The following SCUBE1 variants were observed in gnomAD, a reference collection of about 807,000 sequenced individuals.
SCUBE1 encodes the protein signal peptide, CUB domain and EGF like domain containing 1.
SCUBE1 carries 59 observed loss-of-function variants against 124.4 expected under a neutral mutation model. That is an observed-to-expected ratio of 0.47 (90% confidence interval 0.38 to 0.59). The LOEUF is 0.59. SCUBE1 is among the 20% of genes least tolerant of loss of function. The probability of loss-of-function intolerance (pLI) is 0.00; values close to 1 mark genes in which losing one functional copy is unlikely to be tolerated. For missense variants in SCUBE1, 1,150 were observed against 1,371.2 expected (o/e 0.84, Z 2.55); for synonymous variants, 545 against 550.9 (o/e 0.99, Z 0.15).
chr22:43,261,145 A>G (rs1051221274), intron 5 of SCUBE1, among the ~76,000 whole-genome samples: 1 of 152,228 alleles, frequency 6.6e-6, no homozygotes, highest in African/African-American at 2.4e-5. Context: ...AACTCAGATC[A>G]CACAACACGG....
At chr22:43,262,292 T>C (rs1451309918) in intron 5 of SCUBE1, among the ~76,000 whole-genome samples, 1 of 152,204 alleles carries the variant, frequency 6.6e-6, no homozygotes, top group Non-Finnish European at 1.5e-5. Flanking sequence ...TTCTGATCTT[T>C]GGTCCCGGAA....
chr22:43,343,089 C>A, intron 1 of SCUBE1, 85 bp downstream of exon 1: 1 of 623,462 alleles, frequency 1.6e-6, no homozygotes, highest in Non-Finnish European at 2.1e-6. Context: ...AGCTCGGGAT[C>A]CGCGGGGAAG....
chr22:43,204,067 T>C lies in SCUBE1; in HGVS notation c.2897A>G (p.Glu966Gly). The change falls in exon 22 of 22, where the codon GAG (glutamate) becomes GGG (glycine). Residue 966 changes from glutamate (E) to glycine (G), a missense_variant. By Grantham distance (98) the Glu-to-Gly change is moderately conservative. This residue lies in a region of SCUBE1 where 757 missense variants were observed against 840.9 expected (regional missense o/e 0.90). Transcript: ENST00000360835. Reference sequence around the variant, plus strand: ...TTTGATGAAGGACCGTGGGAACATCTCCTTGGATTCCTGGGCTGTGTACTT... The same window carrying C: ...TTTGATGAAGGACCGTGGGAACATCCCCTTGGATTCCTGGGCTGTGTACTT... ...YFKYTAQESK[E>G]MFPRSFIKLL... 5 of 1,614,066 alleles carry C rather than the reference T, an allele frequency of 3.1e-6. No individual in the cohort carries two copies. The highest frequency in any genetic ancestry group is 1.1e-5 in the South Asian group (1 of 91,072).
intron 5 of SCUBE1, among the ~76,000 whole-genome samples, chr22:43,261,062 T>C (rs906045698): frequency 4.6e-5 from 7 of 152,280 alleles, no homozygotes; most frequent in African/African-American, 1.7e-4. Context: ...GAGAATGCAC[T>C]GTCCTTCTGG....
At chr22:43,292,556 A>ACACAC (rs1925402162) in intron 3 of SCUBE1, among the ~76,000 whole-genome samples, 9 of 139,600 alleles carry the variant, frequency 6.4e-5, no homozygotes, top group Non-Finnish European at 9.2e-5. Context: ...CCCGGTCCCT[A>ACACAC]ACACACACAC....
At chr22:43,212,798 T>C (rs548137579) in intron 16 of SCUBE1, 1 of 585,300 alleles carries the variant, frequency 1.7e-6, no homozygotes, top group Non-Finnish European at 3.0e-6. Flanking sequence ...CAGCGGTTCA[T>C]GTGCGGCCTT....
At chr22:43,221,588 G>A (rs983113937) in intron 12 of SCUBE1, among the ~76,000 whole-genome samples, 1 of 152,172 alleles carries the variant, frequency 6.6e-6, no homozygotes, top group African/African-American at 2.4e-5. Context: ...CCATCAGCAA[G>A]CCATGATTGT....
chr22:43,219,617 G>GC (rs1421724732), intron 14 of SCUBE1, among the ~76,000 whole-genome samples: 1 of 152,012 alleles, frequency 6.6e-6, no homozygotes, highest in Non-Finnish European at 1.5e-5. Flanking sequence ...GGGATTACAG[G>GC]TGCCTGCCAC....
chr22:43,203,244 C>T lies in SCUBE1; in HGVS notation c.*753G>A, dbSNP rs1011105667. The T allele has an allele frequency of 1.7e-4, 26 of 152,078 alleles. No individual in the cohort carries two copies. Among genetic ancestry groups the T allele is most frequent in the African/African-American group, 6.0e-4 (25 of 41,372 alleles). The allele number at this position is 152,078 out of a possible 1,614,324, so 9.4% of individuals were successfully genotyped here. Reference sequence around the variant, plus strand: ...CAAATGCTGGGAGGAGCTGTTTAATCGTTCAGGGAGGCTGATAGCTGCTGG... The same window carrying T: ...CAAATGCTGGGAGGAGCTGTTTAATTGTTCAGGGAGGCTGATAGCTGCTGG... On this transcript the variant is annotated 3_prime_UTR_variant, in exon 22 of 22. Coordinates refer to ENST00000360835, the MANE Select transcript of SCUBE1 (RefSeq NM_173050.5).
intron 3 of SCUBE1, chr22:43,316,730 G>T (rs999521312): frequency 1.3e-5 from 2 of 152,202 alleles, no homozygotes; most frequent in African/African-American, 4.8e-5. Flanking sequence ...TCTCTTTGAA[G>T]ACCCCTAGGG....
At chr22:43,281,404 A>G (rs1039758465) in intron 4 of SCUBE1, among the ~76,000 whole-genome samples, 1 of 38,058 alleles carries the variant, frequency 2.6e-5, no homozygotes, top group African/African-American at 2.5e-4. Context: ...CTATCCTGTC[A>G]CCTCCCTCAG....
intron 3 of SCUBE1, among the ~76,000 whole-genome samples, chr22:43,307,175 G>T (rs1926001306): frequency 6.6e-6 from 1 of 152,228 alleles, no homozygotes; most frequent in Non-Finnish European, 1.5e-5. Flanking sequence ...CCCCTGAGAT[G>T]CCTGAGTGCC....
At chr22:43,297,188 C>T (rs1487004985) in intron 3 of SCUBE1, among the ~76,000 whole-genome samples, 3 of 152,252 alleles carry the variant, frequency 2.0e-5, no homozygotes, top group Non-Finnish European at 2.9e-5. Context: ...CCACCTTGCC[C>T]GTCCATCTCC....
Position 43,309,957 on chromosome 22 carries a change from C to T in SCUBE1, c.349+9980G>A, listed in dbSNP as rs372280635. ...CCAGGCCACTGCAGTGGTTTCCCTG[C>T]TTAAGCCACTCTGCCTCTCTACTCA... On this transcript the variant is annotated intron_variant, in intron 3 of 21. Transcript: ENST00000360835. 6.4e-4 allele frequency among the ~76,000 whole-genome samples: 98 copies of T among 152,354 alleles called. No homozygotes were observed. The South Asian group carries it at 0.017, about 26-fold the overall frequency.
Position 43,221,288 on chromosome 22 carries a change from A to G in SCUBE1, c.1434T>C (p.Asp478=), listed in dbSNP as rs1215367285. The G allele has an allele frequency of 1.9e-6, 3 of 1,606,020 alleles. No homozygotes were observed. The highest frequency in any genetic ancestry group is 2.5e-6 in the Non-Finnish European group (3 of 1,178,598). The change falls in exon 13 of 22, where the codon GAT becomes GAC. Residue 478 remains aspartate, a splice_region_variant and synonymous_variant. Transcript: ENST00000360835. ...TCTGTTTGATGGGGGTGGTGGGGGC[A>G]TCTGGGGAAAGCCAAAATTCCCCCA... ...TSSGLGPSCS[D]APTTPIKQKA...
intron 3 of SCUBE1, among the ~76,000 whole-genome samples, chr22:43,292,116 G>A (rs570305204): frequency 1.3e-5 from 2 of 152,130 alleles, no homozygotes; most frequent in African/African-American, 4.8e-5. Flanking sequence ...AGCACAACAC[G>A]ATAACAGGCT....
At chr22:43,229,232 GAGTGGT>G in intron 8 of SCUBE1, 44 bp from the exon 9 acceptor site, 2 of 1,047,342 alleles carry the variant, frequency 1.9e-6, no homozygotes, top group African/African-American at 1.6e-5. Context: ...GAGTTTGAGG[GAGTGGT>G]GGGTGGGCAC....
intron 3 of SCUBE1, among the ~76,000 whole-genome samples, chr22:43,292,320 G>A (rs537376102): frequency 5.3e-5 from 8 of 152,266 alleles, no homozygotes; most frequent in Middle Eastern, 3.4e-3. Flanking sequence ...ACCAGAGGCC[G>A]CTGGCACAAA....
chr22:43,210,579 A>C lies in SCUBE1; in HGVS notation c.2384-339T>G, dbSNP rs7364307. 0.076 allele frequency among the ~76,000 whole-genome samples: 11,639 copies of C among 152,230 alleles called. 818 individuals carry two copies. The highest frequency in any genetic ancestry group is 0.18 in the African/African-American group (7,394 of 41,528). ...GGGCCTGGAGCCCTGCTCTCTCTAG[A>C]GGCCCTGTCAGTGCCCCTGTAGGCT... On this transcript the variant is annotated intron_variant, in intron 18 of 21. Transcript: ENST00000360835. The surrounding 1 kb of genome is among the most constrained non-coding windows in gnomAD (Gnocchi z 4.5).
Sources: gnomAD v4.1 joint callset for allele counts (sites outside exome capture counted in the v4.1 genomes callset) on GRCh38, gnomAD v4.1.1 for gene constraint, gnomAD v4.1.1 regional missense constraint, Gnocchi (gnomAD v3.1) non-coding constraint, MANE v1.5 for transcripts, NCBI Gene and HGNC (gene_info 2026-07-23, HGNC 2026-07-21) for gene names.